Variants in CNTRL observed in about 807,000 individuals in gnomAD.
CNTRL encodes centriolin.
In CNTRL, 233 loss-of-function variants were observed where a neutral mutation model predicts 303.7. The ratio of observed to expected loss-of-function variants is 0.77; its 90% CI spans 0.69 to 0.86. The LOEUF (loss-of-function observed/expected upper bound fraction) is 0.86, where lower values mean the gene tolerates loss of function less well. Ranked by LOEUF, CNTRL falls within the 40% of genes least tolerant of loss-of-function variation. The probability of loss-of-function intolerance (pLI) is 0.00; values close to 1 mark genes in which losing one functional copy is unlikely to be tolerated. For synonymous variants in CNTRL, 900 were observed against 922.2 expected (o/e 0.98, Z 0.44); for missense variants, 2,524 against 2,650.6 (o/e 0.95, Z 1.05).
chr9:121,084,049 CTACTT>C (rs1328605465), intron 2 of CNTRL, among the ~76,000 whole-genome samples: 3 of 152,130 alleles, frequency 2.0e-5, no homozygotes, highest in Non-Finnish European at 4.4e-5. Flanking sequence ...GGATTAAAAA[CTACTT>C]TAACCTAATA....
chr9:121,145,056 T>C, intron 21 of CNTRL, 97 bp downstream of exon 21: 1 of 1,204,522 alleles, frequency 8.3e-7, no homozygotes, highest in Non-Finnish European at 1.2e-6. Context: ...AATTCTGAAG[T>C]GCAATCAATA....
chr9:121,114,428 A>C (rs1368314261), intron 10 of CNTRL, among the ~76,000 whole-genome samples: 1 of 152,202 alleles, frequency 6.6e-6, no homozygotes, highest in Non-Finnish European at 1.5e-5. Flanking sequence ...AGTGGAAGGC[A>C]TGGAAGGCAA....
chr9:121,171,630 C>T, intron 40 of CNTRL, 82 bp downstream of exon 40: 1 of 1,428,562 alleles, frequency 7.0e-7, no homozygotes, highest in Non-Finnish European at 9.4e-7. Context: ...TTTTTAATAT[C>T]CCTTCTATAG....
chr9:121,089,153 A>G (rs2048460967), intron 3 of CNTRL, among the ~76,000 whole-genome samples: 1 of 152,246 alleles, frequency 6.6e-6, no homozygotes, highest in South Asian at 2.1e-4. Flanking sequence ...TTTTATTAGC[A>G]TTAACAACAC....
intron 34 of CNTRL, among the ~76,000 whole-genome samples, chr9:121,163,613 A>G (rs2052956638): frequency 6.6e-6 from 1 of 152,130 alleles, no homozygotes; most frequent in African/African-American, 2.4e-5. Flanking sequence ...CATGTATCTG[A>G]TAAAGGACTT....
intron 11 of CNTRL, among the ~76,000 whole-genome samples, chr9:121,116,716 C>T (rs2049992424): frequency 6.6e-6 from 1 of 152,146 alleles, no homozygotes; most frequent in African/African-American, 2.4e-5. Context: ...GTGAAATGGA[C>T]TGAGTGAGAT....
intron 1 of CNTRL, among the ~76,000 whole-genome samples, chr9:121,078,271 G>T (rs191826414): frequency 1.1e-4 from 16 of 152,228 alleles, no homozygotes; most frequent in Non-Finnish European, 1.9e-4. Context: ...AGCCGGGCGT[G>T]GTGCTGTGCA....
At chr9:121,171,370 T>C in intron 39 of CNTRL, 38 bp from the exon 40 acceptor site, 1 of 1,612,330 alleles carries the variant, frequency 6.2e-7, no homozygotes, top group Non-Finnish European at 8.5e-7. Context: ...CACCTCCATG[T>C]GTTAGATCGC....
rs145377044 is a variant in CNTRL, at chr9:121,161,926, C to T, written c.5160C>T (p.Asp1720=). ...TACAAGGTTTGAAGCTACAACATGA[C>T]CAAAGGGTATCTGAATTAGAGAAGA... is the stretch of plus-strand genomic sequence containing the variant. ...HELQGLKLQH[D]QRVSELEKTQ... Residue 1720 remains aspartate (D), a synonymous_variant, in exon 33 of 44, where the codon GAC becomes GAT. Coordinates refer to ENST00000373855, the MANE Select transcript of CNTRL (RefSeq NM_007018.6). The T allele has an allele frequency of 1.7e-4, 276 of 1,614,088 alleles. 1 individual carries two copies. The highest frequency in any genetic ancestry group is 9.9e-4 in the Middle Eastern group (6 of 6,062).
Position 121,108,251 on chromosome 9 carries a change from G to C in CNTRL, c.1002+256G>C, listed in dbSNP as rs117834590. On this transcript the variant is annotated intron_variant, in intron 8 of 43. Transcript: ENST00000373855. ...TAAAAACAACATTGTAGGTGAGGCT[G>C]TTCATTGGCAAAAACATTTAGAAGG... Among the ~76,000 whole-genome samples, 7 of 152,232 alleles carry C rather than the reference G, an allele frequency of 4.6e-5. No homozygotes were observed. In the East Asian group the frequency reaches 1.3e-3, roughly 29 times the overall value.
At chr9:121,094,807 C>T (rs10760146) in intron 4 of CNTRL, 81 bp from the exon 5 acceptor site, 458,304 of 1,047,134 alleles carry the variant, frequency 0.44, 104,706 homozygotes, top group South Asian at 0.65. Flanking sequence ...ATCAAACAGA[C>T]CCTGATGCAC....
At chr9:121,133,227 G>A (rs554330221) in intron 14 of CNTRL, among the ~76,000 whole-genome samples, 7 of 152,338 alleles carry the variant, frequency 4.6e-5, no homozygotes, top group African/African-American at 1.7e-4. Flanking sequence ...CTTTTGTTCA[G>A]CTATGCCCTG....
chr9:121,102,469 T>G (rs1185301662), intron 7 of CNTRL, among the ~76,000 whole-genome samples: 2 of 152,154 alleles, frequency 1.3e-5, no homozygotes, highest in Non-Finnish European at 2.9e-5. Flanking sequence ...CTGGAAGCAT[T>G]CCCTTTGAAA....
rs2052473713 is a variant in CNTRL at position 121,154,783 on chromosome 9, A to C, written c.4235A>C (p.Lys1412Thr). ...GAACTAGAAATAGAAAAATCACTCA[A>C]ACATCATGAAGATATTGTAGATGAA... ...MTELEIEKSLKHHEDIVDEIE... is the reference protein window; with the variant it reads ...MTELEIEKSLTHHEDIVDEIE... Residue 1412 changes from lysine (K) to threonine (T), a missense_variant, in exon 27 of 44, where the codon AAA becomes ACA. By Grantham distance (78) the Lys-to-Thr change is moderately conservative. Coordinates refer to ENST00000373855, the MANE Select transcript of CNTRL (RefSeq NM_007018.6). The C allele has an allele frequency of 3.1e-6, 5 of 1,612,538 alleles. No homozygotes were observed. The highest frequency in any genetic ancestry group is 4.2e-6 in the Non-Finnish European group (5 of 1,178,656).
chr9:121,150,009 CT>C (rs2052127356), intron 24 of CNTRL, among the ~76,000 whole-genome samples, 160 bp from the exon 25 acceptor site: 1 of 152,164 alleles, frequency 6.6e-6, no homozygotes, highest in Non-Finnish European at 1.5e-5. Flanking sequence ...TTTTGAGCTG[CT>C]TTTCAAAAAT....
intron 14 of CNTRL, among the ~76,000 whole-genome samples, chr9:121,133,133 A>G (rs1469998824): frequency 6.6e-6 from 1 of 152,204 alleles, no homozygotes; most frequent in Non-Finnish European, 1.5e-5. Context: ...CCGTTCTCTG[A>G]GCTCAAACAC....
chr9:121,106,687 C>G (rs1015943300), intron 7 of CNTRL, among the ~76,000 whole-genome samples: 3 of 152,022 alleles, frequency 2.0e-5, no homozygotes, highest in African/African-American at 7.2e-5. Flanking sequence ...CCTGTCTGTT[C>G]ATTTGAAATT....
chr9:121,141,981 A>C, intron 18 of CNTRL, 110 bp from the exon 19 acceptor site: 1 of 868,302 alleles, frequency 1.2e-6, no homozygotes, highest in Non-Finnish European at 1.7e-6. Context: ...ATTAGTAAAA[A>C]ATTAAGTTAC....
chr9:121,116,317 G>A (rs1310137170), intron 11 of CNTRL, among the ~76,000 whole-genome samples: 1 of 152,040 alleles, frequency 6.6e-6, no homozygotes, highest in Non-Finnish European at 1.5e-5. Context: ...AGAGTGTAGA[G>A]GAAGATAAAG....
Sources: gnomAD v4.1 joint callset for allele counts (sites outside exome capture counted in the v4.1 genomes callset) on GRCh38, gnomAD v4.1.1 for gene constraint, MANE v1.5 for transcripts, NCBI Gene and HGNC (gene_info 2026-07-23, HGNC 2026-07-21) for gene names.